The following CACNA1E variants were observed in gnomAD, a reference collection of about 807,000 sequenced individuals.
The protein encoded by CACNA1E is voltage-dependent R-type calcium channel subunit alpha-1E.
CACNA1E carries 40 observed loss-of-function variants against 259.2 expected under a neutral mutation model. The ratio of observed to expected loss-of-function variants is 0.15; its 90% CI spans 0.12 to 0.20. The LOEUF is 0.20. CACNA1E is among the 10% of genes least tolerant of loss of function. The probability of loss-of-function intolerance (pLI) is 1.00; values close to 1 mark genes in which losing one functional copy is unlikely to be tolerated. For missense variants in CACNA1E, 1,874 were observed against 3,040.1 expected (o/e 0.62, Z 9.02); for synonymous variants, 1,104 against 1,138.5 (o/e 0.97, Z 0.61).
At chr1:181,428,624 C>T (rs759003312) in intron 2 of CACNA1E, among the ~76,000 whole-genome samples, 12 of 151,952 alleles carry the variant, frequency 7.9e-5, no homozygotes, top group Non-Finnish European at 1.6e-4. Flanking sequence ...TGCTCTTGGG[C>T]CCCAGTGGTG....
At chr1:181,416,006 A>G (rs1658244403) in intron 2 of CACNA1E, among the ~76,000 whole-genome samples, 1 of 152,234 alleles carries the variant, frequency 6.6e-6, no homozygotes, top group Non-Finnish European at 1.5e-5. Context: ...ACGGGATGTC[A>G]AGCCCAAATC....
At chr1:181,514,442 C>T (rs577066743) in intron 3 of CACNA1E, among the ~76,000 whole-genome samples, 1 of 152,286 alleles carries the variant, frequency 6.6e-6, no homozygotes, top group South Asian at 2.1e-4. Context: ...CTCTTAATGG[C>T]AGATGCAGGA....
intron 26 of CACNA1E, among the ~76,000 whole-genome samples, chr1:181,750,973 G>C (rs1325316617): frequency 6.6e-6 from 1 of 151,884 alleles, no homozygotes; most frequent in Non-Finnish European, 1.5e-5. Flanking sequence ...TTATCTCCCT[G>C]TCAGGGGGGT....
At chr1:181,783,180 C>T (rs531246418) in intron 39 of CACNA1E, among the ~76,000 whole-genome samples, 64 of 152,254 alleles carry the variant, frequency 4.2e-4, no homozygotes, top group African/African-American at 1.5e-3. Context: ...AAAGGGGGCA[C>T]CAGGATACAT....
intron 6 of CACNA1E, among the ~76,000 whole-genome samples, chr1:181,626,390 A>AAAAAAAGAAAAGAACACTGTGT (rs1656204340): frequency 6.6e-6 from 1 of 152,172 alleles, no homozygotes; most frequent in South Asian, 2.1e-4. Context: ...TAGATGTGTG[A>AAAAAAAGAAAAGAACACTGTGT]AAAAAAGAAA....
intron 1 of CACNA1E, among the ~76,000 whole-genome samples, chr1:181,498,388 C>T (rs1423253187): frequency 3.9e-5 from 6 of 152,166 alleles, no homozygotes; most frequent in African/African-American, 9.7e-5. Context: ...AAGCTGCTAG[C>T]GAATCCAACT....
chr1:181,356,504 C>G (rs886908288), intron 1 of CACNA1E, among the ~76,000 whole-genome samples: 2 of 152,190 alleles, frequency 1.3e-5, no homozygotes, highest in African/African-American at 4.8e-5. Flanking sequence ...AAGAAAGACT[C>G]TTGGTTTGAC....
At chr1:181,404,096 T>A (rs1231968733) in intron 1 of CACNA1E, among the ~76,000 whole-genome samples, 1 of 152,216 alleles carries the variant, frequency 6.6e-6, no homozygotes, top group African/African-American at 2.4e-5. Context: ...AACTAATCAC[T>A]GGCAAAGGGA....
chr1:181,606,344 A>G (rs1057225143), intron 6 of CACNA1E, among the ~76,000 whole-genome samples: 6 of 152,088 alleles, frequency 3.9e-5, no homozygotes, highest in African/African-American at 9.7e-5. Context: ...GCCCAAGCCA[A>G]AAACCTCACA....
chr1:181,766,350 T>C (rs1041790174), intron 34 of CACNA1E, among the ~76,000 whole-genome samples, 196 bp from the exon 35 acceptor site: 1 of 152,136 alleles, frequency 6.6e-6, no homozygotes, highest in Non-Finnish European at 1.5e-5. Context: ...TGGCCAACTG[T>C]TTACCTATCT....
intron 3 of CACNA1E, among the ~76,000 whole-genome samples, chr1:181,562,580 G>A (rs1649431100): frequency 6.6e-6 from 1 of 152,110 alleles, no homozygotes; most frequent in South Asian, 2.1e-4. Flanking sequence ...CTTGGTCTTA[G>A]CCTCGTTTCT....
At chr1:181,693,128 CAA>C (rs61662957) in intron 7 of CACNA1E, among the ~76,000 whole-genome samples, 35,486 of 97,890 alleles carry the variant, frequency 0.36, 3,439 homozygotes, top group East Asian at 0.53. Flanking sequence ...CTATCTAAAG[CAA>C]AAAAAAAAAA....
intron 25 of CACNA1E, among the ~76,000 whole-genome samples, chr1:181,740,436 T>C (rs758492282): frequency 6.6e-6 from 1 of 151,942 alleles, no homozygotes; most frequent in Non-Finnish European, 1.5e-5. Flanking sequence ...CTTCAAGCAC[T>C]GTCAGCTGCT....
chr1:181,374,944 T>TA (rs1454911309), intron 1 of CACNA1E, among the ~76,000 whole-genome samples: 3 of 152,202 alleles, frequency 2.0e-5, no homozygotes, highest in Non-Finnish European at 1.5e-5. Flanking sequence ...TATTTCTACA[T>TA]ATATCAAATA....
At chr1:181,414,659 T>A (rs1295385878) in intron 2 of CACNA1E, among the ~76,000 whole-genome samples, 1 of 152,212 alleles carries the variant, frequency 6.6e-6, no homozygotes, top group Non-Finnish European at 1.5e-5. Flanking sequence ...CCAAGCACCT[T>A]ACATATATCC....
At position 181,561,175 on chromosome 1, in the gene CACNA1E, A is replaced by G. The variant is rs919052016; in HGVS notation, c.513-16591A>G. On this transcript the variant is annotated intron_variant, in intron 3 of 47. Coordinates refer to ENST00000367573, the MANE Select transcript of CACNA1E (RefSeq NM_001205293.3). ...GAGTGGTAGTGATGGTTGTACAACA[A>G]TAGGAATGTACTTAATGCCGCAGAA... 3.3e-5 allele frequency among the ~76,000 whole-genome samples: 5 copies of G among 152,306 alleles called. No homozygotes were observed. In the South Asian group the frequency reaches 1.0e-3, roughly 32 times the overall value.
intron 38 of CACNA1E, chr1:181,779,431 C>T (rs888385101): frequency 2.3e-6 from 1 of 443,394 alleles, no homozygotes; most frequent in South Asian, 1.6e-5. Context: ...CCCACCTGTG[C>T]TTCCTTTACA....
At chr1:181,682,903 G>A (rs575996753) in intron 7 of CACNA1E, among the ~76,000 whole-genome samples, 121 of 150,852 alleles carry the variant, frequency 8.0e-4, no homozygotes, top group African/African-American at 2.9e-3. Context: ...CCCACCTCCA[G>A]TGTTGGGGAT....
Position 181,450,601 on chromosome 1 carries a change from A to C in CACNA1E, c.435-33143A>C, listed in dbSNP as rs184621301. ...AGATTATGGGTGGTTTTTAGAGCGC[A>C]GTAATATCATGGATGGAGGTATGGG... On this transcript the variant is annotated intron_variant, in intron 2 of 11. Coordinates refer to the CACNA1E transcript ENST00000524607. 1.2e-4 allele frequency among the ~76,000 whole-genome samples: 19 copies of C among 152,220 alleles called. 1 individual carries two copies. The highest frequency in any genetic ancestry group is 1.2e-3 in the Admixed American group (19 of 15,284).
Sources: allele counts gnomAD v4.1 joint callset (sites outside exome capture counted in the v4.1 genomes callset), GRCh38; gene constraint gnomAD v4.1.1; transcripts MANE v1.5; gene names NCBI Gene and HGNC (gene_info 2026-07-23, HGNC 2026-07-21).